The following ASB9 variants were observed in gnomAD, a reference collection of about 807,000 sequenced individuals.
The protein encoded by ASB9 is ankyrin repeat and SOCS box protein 9.
In ASB9, 5 loss-of-function variants were observed where a neutral mutation model predicts 16.6. The ratio of observed to expected loss-of-function variants is 0.30; its 90% CI spans 0.16 to 0.63. The LOEUF (loss-of-function observed/expected upper bound fraction) is 0.63, where lower values mean the gene tolerates loss of function less well. Among genes scored for constraint, ASB9 ranks in the 30% least tolerant of loss-of-function variants. ASB9 has a pLI of 0.82. For missense variants in ASB9, 216 were observed against 229.4 expected, an observed-to-expected ratio of 0.94 and a Z score of 0.38; for synonymous variants, 100 against 86.4, an observed-to-expected ratio of 1.16 and a Z score of -0.87.
chrX:15,260,545 AT>A (rs1049971887), intron 1 of ASB9, among the ~76,000 whole-genome samples: 6 of 111,963 alleles, frequency 5.4e-5, no homozygotes, highest in Non-Finnish European at 1.1e-4. Context: ...CATAGATCTG[AT>A]TTTTTTCTCA....
intron 6 of ASB9, among the ~76,000 whole-genome samples, chrX:15,248,382 C>A (rs1201600635): frequency 8.9e-6 from 1 of 112,061 alleles, no homozygotes; most frequent in Non-Finnish European, 1.9e-5. Context: ...AGATATCCTG[C>A]GGCCTCTTAC....
At chrX:15,257,396 C>A (rs946904082) in intron 2 of ASB9, among the ~76,000 whole-genome samples, 1 of 110,395 alleles carries the variant, frequency 9.1e-6, no homozygotes, top group Admixed American at 9.7e-5. Flanking sequence ...AAGAGTGAAA[C>A]TCCATCTCAA....
rs1303483090 is a variant in ASB9 at position 15,267,408 on chromosome X, T to TA, written c.94+2372dup. 5.8e-4 allele frequency among the ~76,000 whole-genome samples: 29 copies of TA among 50,138 alleles called. No individual in the cohort carries two copies. The East Asian group carries it at 0.01, about 18-fold the overall frequency. 43.5% of individuals were successfully genotyped at this position (50,138 alleles called of 115,157 possible). A position where few individuals can be genotyped will look rare whatever the true frequency, so the allele number is the denominator to read the frequency against. On this transcript the variant is annotated intron_variant, in intron 1 of 6. Coordinates refer to ENST00000380488, the MANE Select transcript of ASB9 (RefSeq NM_001031739.3). Reference sequence around the variant, plus strand: ...CCTGGTAACAGAGCGAGACTCCATCTAAAAAAAAAATATATATATATATAT... The same window carrying TA: ...CCTGGTAACAGAGCGAGACTCCATCTAAAAAAAAAAATATATATATATATAT...
chrX:15,266,991 T>C (rs1383865629), intron 1 of ASB9, among the ~76,000 whole-genome samples: 1 of 112,654 alleles, frequency 8.9e-6, no homozygotes, highest in Non-Finnish European at 1.9e-5. Flanking sequence ...GGCTGGTGCC[T>C]CTCTCCCATG....
At chrX:15,252,913 G>A (rs1925237276) in intron 3 of ASB9, among the ~76,000 whole-genome samples, 1 of 112,550 alleles carries the variant, frequency 8.9e-6, no homozygotes, top group Admixed American at 9.4e-5. Context: ...ATTAATGAGG[G>A]AACCAGTAAG....
chrX:15,263,133 G>T (rs1482024811), intron 1 of ASB9, among the ~76,000 whole-genome samples: 1 of 111,545 alleles, frequency 9.0e-6, no homozygotes, highest in Non-Finnish European at 1.9e-5. Context: ...TGCACTAATT[G>T]CTACATGCTG....
Position 15,269,690 on chromosome X carries a change from TCA to T in ASB9, c.94+89_94+90del. ...GCCCAGTAACAGCCCCATGGACACC[TCA>T]CACAGAGCCACTGAAACTGCCCAAC... On this transcript the variant is annotated intron_variant, in intron 1 of 6. Coordinates refer to ENST00000380488, the MANE Select transcript of ASB9 (RefSeq NM_001031739.3). The T allele has an allele frequency of 4.2e-6, 3 of 716,799 alleles. No individual in the cohort carries two copies. The South Asian group carries it at 9.6e-5, about 23-fold the overall frequency. 59.1% of individuals were successfully genotyped at this position (716,799 alleles called of 1,213,427 possible).
At chrX:15,255,513 A>T (rs2147642344) in intron 2 of ASB9, among the ~76,000 whole-genome samples, 1 of 111,654 alleles carries the variant, frequency 9.0e-6, no homozygotes, top group East Asian at 2.8e-4. Context: ...AAGGGGAGGG[A>T]TGGGTGAGTC....
At chrX:15,270,278 G>A (rs1216002821), upstream of ASB9, 1 of 120,329 alleles carries the variant, frequency 8.3e-6, no homozygotes, top group Non-Finnish European at 1.7e-5. Context: ...AGAGTGAAGG[G>A]AGCAGGGTGG....
intron 2 of ASB9, among the ~76,000 whole-genome samples, chrX:15,257,166 T>C (rs900313914): frequency 8.9e-6 from 1 of 111,776 alleles, no homozygotes; most frequent in African/African-American, 3.3e-5. Context: ...TCCCAGCACT[T>C]TGGGAGGCTA....
intron 1 of ASB9, among the ~76,000 whole-genome samples, chrX:15,267,425 T>TTAAAAAAAAAAAAAAAAAAA (rs377056337): frequency 3.3e-4 from 29 of 87,637 alleles, no homozygotes; most frequent in African/African-American, 1.2e-3. Flanking sequence ...AAAATATATA[T>TTAAAAAAAAAAAAAAAAAAA]ATATATATAA....
At chrX:15,251,631 T>C (rs1925127007) in intron 4 of ASB9, among the ~76,000 whole-genome samples, 2 of 112,123 alleles carry the variant, frequency 1.8e-5, no homozygotes, top group African/African-American at 6.5e-5. Context: ...CAAGGTATGG[T>C]CATTACGATG....
chrX:15,246,480 G>T (rs1463277553), intron 6 of ASB9, among the ~76,000 whole-genome samples: 1 of 110,816 alleles, frequency 9.0e-6, no homozygotes, highest in Non-Finnish European at 1.9e-5. Flanking sequence ...TTGATGTTTT[G>T]TTTTTTGTTT....
chrX:15,244,706 ATCC>A, intron 6 of ASB9, 76 bp from the exon 7 acceptor site: 2 of 938,608 alleles, frequency 2.1e-6, no homozygotes, highest in Non-Finnish European at 2.9e-6. Flanking sequence ...AAAAAAAAGC[ATCC>A]AAGATAGAAC....
In ASB9 at chrX:15,254,808, A is replaced by G; in HGVS notation, c.211T>C (p.Ser71Pro). Residue 71 changes from serine (S) to proline (P), a missense_variant, in exon 3 of 7, where the codon TCC becomes CCC. Ser to Pro is a moderately conservative substitution (Grantham distance 74). Coordinates refer to ENST00000380488, the MANE Select transcript of ASB9 (RefSeq NM_001031739.3). Reference sequence around the variant, plus strand: ...CCAAGACAGGCTTCATGGAGTGGGGAAACATGATCTGCCGTGATGATGTTC... The same window carrying G: ...CCAAGACAGGCTTCATGGAGTGGGGGAACATGATCTGCCGTGATGATGTTC... ...AVNIITADHVSPLHEACLGGH... is the reference protein window; with the variant it reads ...AVNIITADHVPPLHEACLGGH... 1 of 1,210,766 alleles carries G rather than the reference A, an allele frequency of 8.3e-7. No homozygotes were observed. Among genetic ancestry groups the G allele is most frequent in the Non-Finnish European group, 1.1e-6 (1 of 894,951 alleles).
intron 1 of ASB9, among the ~76,000 whole-genome samples, chrX:15,266,660 G>A (rs1275007226): frequency 1.8e-5 from 2 of 112,013 alleles, no homozygotes; most frequent in Non-Finnish European, 3.8e-5. Flanking sequence ...TAGAAATCCT[G>A]AACAGTTGGC....
chrX:15,244,592 G>A lies in ASB9; in HGVS notation c.799C>T (p.Arg267Trp), dbSNP rs760754250. The A allele has an allele frequency of 1.0e-5, 12 of 1,200,065 alleles. No individual in the cohort carries two copies. Among genetic ancestry groups the A allele is most frequent in the South Asian group, 5.3e-5 (3 of 56,410 alleles). The part of the protein sequence containing the change: ...SLMQLCRLRI[R>W]KCFGIQQHHK... ...TGCTGCTGGATTCCAAAACACTTCCGAATTCTAAGGCGGCATAACTGCATC... is the reference window on the plus strand; with the variant it reads ...TGCTGCTGGATTCCAAAACACTTCCAAATTCTAAGGCGGCATAACTGCATC... The change falls in exon 7 of 7, where the codon CGG (arginine) becomes TGG (tryptophan). Residue 267 changes from arginine to tryptophan, a missense_variant. Coordinates refer to ENST00000380488, the MANE Select transcript of ASB9 (RefSeq NM_001031739.3).
intron 2 of ASB9, among the ~76,000 whole-genome samples, chrX:15,258,631 T>C (rs1857489760): frequency 8.9e-6 from 1 of 112,261 alleles, no homozygotes; most frequent in South Asian, 3.7e-4. Flanking sequence ...AATAGTATTA[T>C]GTAGGGTTAT....
At chrX:15,263,588 TTCTCTCTCTC>T (rs10578883) in intron 1 of ASB9, among the ~76,000 whole-genome samples, 2 of 100,595 alleles carry the variant, frequency 2.0e-5, no homozygotes, top group East Asian at 3.2e-4. Flanking sequence ...TCCCTCTCTC[TTCTCTCTCTC>T]TCTCTCTCTC....
Sources: gnomAD v4.1 joint callset for allele counts (sites outside exome capture counted in the v4.1 genomes callset) on GRCh38, gnomAD v4.1.1 for gene constraint, MANE v1.5 for transcripts, NCBI Gene and HGNC (gene_info 2026-07-23, HGNC 2026-07-21) for gene names.